LAMA2: variants seen among roughly 807,000 people sequenced by gnomAD.
LAMA2 encodes the protein laminin subunit alpha-2.
A neutral mutation model predicts 364.8 loss-of-function variants in LAMA2; 269 were observed. The ratio of observed to expected loss-of-function variants is 0.74; its 90% CI spans 0.67 to 0.82. The LOEUF (loss-of-function observed/expected upper bound fraction) is 0.82. LAMA2 is among the 40% of genes least tolerant of loss of function. LAMA2 has a pLI of 0.00. For missense variants in LAMA2, 3,807 were observed against 3,873.2 expected (o/e 0.98, Z 0.45); for synonymous variants, 1,379 against 1,370.6 (o/e 1.01, Z -0.14).
chr6:128,889,511 G>C (rs1343368600), intron 1 of LAMA2, among the ~76,000 whole-genome samples: 2 of 152,030 alleles, frequency 1.3e-5, no homozygotes, highest in Middle Eastern at 3.2e-3. Context: ...AACAAAAAAG[G>C]TAAAAAAATT....
rs141211788 is a variant in LAMA2 at position 129,111,828 on chromosome 6, G to T, written c.639+13413G>T. Among the ~76,000 whole-genome samples the T allele has an allele frequency of 5.3e-3, 807 of 152,042 alleles. 4 individuals are homozygous for T. Among genetic ancestry groups the T allele is most frequent in the African/African-American group, 0.019 (776 of 41,520 alleles). On this transcript the variant is annotated intron_variant, in intron 4 of 64. Coordinates refer to ENST00000421865, the MANE Select transcript of LAMA2 (RefSeq NM_000426.4). ...TTTGTTTTTAAATTTTGTAGGGAAG[G>T]GGGGAATAGCAAATAATATTTTATG...
chr6:129,242,217 C>G (rs560942116), intron 12 of LAMA2, among the ~76,000 whole-genome samples: 14 of 152,126 alleles, frequency 9.2e-5, no homozygotes, highest in Non-Finnish European at 2.1e-4. Flanking sequence ...CCATAGCCAT[C>G]TACTGTCCAA....
At chr6:129,439,169 C>T (rs1781982041) in intron 42 of LAMA2, among the ~76,000 whole-genome samples, 1 of 151,816 alleles carries the variant, frequency 6.6e-6, no homozygotes, top group African/African-American at 2.4e-5. Flanking sequence ...ATACTTTAAT[C>T]CCTAGATCAT....
chr6:129,335,351 A>G (rs1489240984), intron 29 of LAMA2, among the ~76,000 whole-genome samples: 1 of 138,410 alleles, frequency 7.2e-6, no homozygotes, highest in Admixed American at 7.5e-5. Flanking sequence ...ATAGGTAGTA[A>G]GTAGGTAGAT....
chr6:128,948,020 T>G (rs1484710665), intron 1 of LAMA2, among the ~76,000 whole-genome samples: 1 of 151,962 alleles, frequency 6.6e-6, no homozygotes. Flanking sequence ...TGAGAGTTGA[T>G]GTAGCCATAA....
At chr6:129,112,458 C>T (rs1395416982) in intron 4 of LAMA2, among the ~76,000 whole-genome samples, 2 of 151,824 alleles carry the variant, frequency 1.3e-5, no homozygotes, top group East Asian at 3.9e-4. Flanking sequence ...GAGAGGACAA[C>T]AAAAATGAGC....
chr6:129,036,905 C>A (rs1170487048), intron 1 of LAMA2, among the ~76,000 whole-genome samples: 2 of 152,122 alleles, frequency 1.3e-5, no homozygotes, highest in African/African-American at 4.8e-5. Context: ...TCTATTAAAC[C>A]CTTCATCTGC....
At chr6:128,961,345 A>C (rs965655931) in intron 1 of LAMA2, among the ~76,000 whole-genome samples, 8 of 66,376 alleles carry the variant, frequency 1.2e-4, no homozygotes, top group African/African-American at 4.5e-4. Flanking sequence ...ATATATATAT[A>C]TATATATATA....
At chr6:129,294,621 T>C (rs990135718) in intron 20 of LAMA2, among the ~76,000 whole-genome samples, 1 of 152,152 alleles carries the variant, frequency 6.6e-6, no homozygotes, top group Non-Finnish European at 1.5e-5. Flanking sequence ...TTTCTACATA[T>C]GAATTTTGGG....
At chr6:129,080,207 C>T (rs374772708) in intron 3 of LAMA2, among the ~76,000 whole-genome samples, 1 of 152,074 alleles carries the variant, frequency 6.6e-6, no homozygotes, top group East Asian at 1.9e-4. Context: ...CATTTTGTAT[C>T]ACAGAAATTA....
At chr6:129,021,664 TATTATCCCAGGAGG>T (rs1166476380) in intron 1 of LAMA2, among the ~76,000 whole-genome samples, 1 of 152,206 alleles carries the variant, frequency 6.6e-6, no homozygotes, top group African/African-American at 2.4e-5. Flanking sequence ...GAAGAGGTGC[TATTATCCCAGGAGG>T]AGACTGTAAG....
At chr6:129,172,424 A>G (rs574674543) in intron 9 of LAMA2, among the ~76,000 whole-genome samples, 26 of 152,070 alleles carry the variant, frequency 1.7e-4, no homozygotes, top group African/African-American at 5.1e-4. Flanking sequence ...GTCTGTTGCA[A>G]TACCCTGCCG....
chr6:129,194,349 C>A (rs564377074), intron 12 of LAMA2, among the ~76,000 whole-genome samples: 4 of 152,066 alleles, frequency 2.6e-5, no homozygotes, highest in African/African-American at 9.7e-5. Context: ...ATTTTCCATC[C>A]TTTCTTCTTT....
At chr6:128,919,531 T>C (rs1778561424) in intron 1 of LAMA2, among the ~76,000 whole-genome samples, 1 of 152,182 alleles carries the variant, frequency 6.6e-6, no homozygotes, top group African/African-American at 2.4e-5. Flanking sequence ...TTTCATATGG[T>C]TCAACTTATT....
chr6:129,160,607 T>C (rs944231693), intron 8 of LAMA2, among the ~76,000 whole-genome samples: 1 of 151,912 alleles, frequency 6.6e-6, no homozygotes, highest in Non-Finnish European at 1.5e-5. Flanking sequence ...TGACCTGTTT[T>C]GGTTTTAAAT....
chr6:129,018,038 T>C (rs1785187388), intron 1 of LAMA2, among the ~76,000 whole-genome samples: 1 of 151,914 alleles, frequency 6.6e-6, no homozygotes, highest in Admixed American at 6.6e-5. Context: ...TATTTTCCTG[T>C]CTACTTTGCA....
At chr6:128,894,597 T>C (rs983538862) in intron 1 of LAMA2, among the ~76,000 whole-genome samples, 1 of 152,218 alleles carries the variant, frequency 6.6e-6, no homozygotes, top group African/African-American at 2.4e-5. Context: ...AAAACAACTG[T>C]ACAAATGCTT....
At chr6:128,891,856 T>C (rs1309911987) in intron 1 of LAMA2, among the ~76,000 whole-genome samples, 2 of 152,090 alleles carry the variant, frequency 1.3e-5, no homozygotes, top group Admixed American at 1.3e-4. Flanking sequence ...CTTTATACCT[T>C]TAGTTTCCAC....
chr6:129,302,079 A>G (rs937331984), intron 22 of LAMA2, among the ~76,000 whole-genome samples: 11 of 152,084 alleles, frequency 7.2e-5, no homozygotes, highest in Admixed American at 6.6e-4. Context: ...GGTCATTTCT[A>G]GTTTGGGGTT....
Sources: gnomAD v4.1 joint callset for allele counts (sites outside exome capture counted in the v4.1 genomes callset) on GRCh38, gnomAD v4.1.1 for gene constraint, MANE v1.5 for transcripts, NCBI Gene and HGNC (gene_info 2026-07-23, HGNC 2026-07-21) for gene names.